Variants in DYNC1H1 observed in about 807,000 individuals in gnomAD.
DYNC1H1 encodes cytoplasmic dynein 1 heavy chain 1.
Under a neutral mutation model 527.1 loss-of-function variants are expected in DYNC1H1, and 51 were observed. The ratio of observed to expected loss-of-function variants is 0.10; its 90% CI spans 0.08 to 0.12. The LOEUF is 0.12. Ranked by LOEUF, DYNC1H1 falls within the 10% of genes least tolerant of loss-of-function variation. The pLI is 1.00. For synonymous variants in DYNC1H1, 2,189 were observed against 2,278.8 expected, an observed-to-expected ratio of 0.96 and a Z score of 1.12; for missense variants, 2,771 against 5,971.8, an observed-to-expected ratio of 0.46 and a Z score of 17.66.
Position 102,004,596 on chromosome 14 carries a change from CAAG to C in DYNC1H1, c.4967_4969del (p.Lys1656del). 1 of 1,614,162 alleles carries C rather than the reference CAAG, an allele frequency of 6.2e-7. No homozygotes were observed. The highest frequency in any genetic ancestry group is 8.5e-7 in the Non-Finnish European group (1 of 1,180,022). Reference sequence around the variant, plus strand: ...ATGTCGCTAAATTACAGAAACACTTCAAGAAGATGTTTGCTGGAGTTTCGAGCA... The same window carrying C: ...ATGTCGCTAAATTACAGAAACACTTCAAGATGTTTGCTGGAGTTTCGAGCA... On this transcript the variant is annotated inframe_deletion, in exon 24 of 78. Transcript: ENST00000360184.
intron 29 of DYNC1H1, chr14:102,009,620 C>CTGGGACACGTGCACATGAGGTA (rs1212013555): frequency 3.4e-6 from 2 of 596,706 alleles, no homozygotes; most frequent in Admixed American, 6.1e-5. Flanking sequence ...GTGGCTTGAC[C>CTGGGACACGTGCACATGAGGTA]TGGGACACGT....
At chr14:102,025,890 G>A (rs780296245) in intron 43 of DYNC1H1, among the ~76,000 whole-genome samples, 8 of 151,884 alleles carry the variant, frequency 5.3e-5, no homozygotes, top group Admixed American at 2.6e-4. Flanking sequence ...GGCCGAGACC[G>A]GCAGATCACA....
Position 102,010,063 on chromosome 14 carries a change from C to T in DYNC1H1, c.6198C>T (p.Ala2066=). 1 of 1,613,820 alleles carries T rather than the reference C, an allele frequency of 6.2e-7. No homozygotes were observed. Among genetic ancestry groups the T allele is most frequent in the Non-Finnish European group, 8.5e-7 (1 of 1,180,040 alleles). The part of the protein sequence containing the change: ...SQGFRTAEVL[A]NKIVPFFKLC... ...GTTTCCGCACTGCTGAAGTGCTTGCCAACAAAATCGTCCCGTTTTTTAAGT... is the reference window on the plus strand; with the variant it reads ...GTTTCCGCACTGCTGAAGTGCTTGCTAACAAAATCGTCCCGTTTTTTAAGT... Residue 2066 remains alanine (A), a synonymous_variant, in exon 30 of 78, where the codon GCC becomes GCT. Transcript: ENST00000360184. This position sits in a 1 kb window ranked among gnomAD's most constrained non-coding sequence, Gnocchi z 6.0.
In DYNC1H1 at chr14:102,010,128, T is replaced by C. The variant is rs557567310; in HGVS notation, c.6221+42T>C. 1.9e-5 allele frequency: 30 copies of C among 1,613,338 alleles called. 1 individual carries two copies. The Admixed American group carries it at 4.2e-4, about 22-fold the overall frequency. ...TCTTCATAATCATGTTTCTTGCATA[T>C]GTTAAATGTGTCCATTTAACCTTAA... On this transcript the variant is annotated intron_variant, in intron 30 of 77. Transcript: ENST00000360184. The surrounding 1 kb of genome is among the most constrained non-coding windows in gnomAD (Gnocchi z 6.0).
chr14:101,982,271 T>G (rs2047876330), intron 5 of DYNC1H1, among the ~76,000 whole-genome samples: 1 of 152,102 alleles, frequency 6.6e-6, no homozygotes, highest in Non-Finnish European at 1.5e-5. Context: ...CTCCCACAGA[T>G]TCTACATTAT....
intron 63 of DYNC1H1, 72 bp from the exon 64 acceptor site, chr14:102,040,526 T>C: frequency 6.2e-7 from 1 of 1,611,044 alleles, no homozygotes; most frequent in Non-Finnish European, 8.5e-7. Flanking sequence ...CGCGTCAGAC[T>C]CTCGCTCAGT....
rs375261593 is a variant in DYNC1H1 at position 102,016,510 on chromosome 14, C to T, written c.7614+21C>T. 12 of 1,614,014 alleles carry T rather than the reference C, an allele frequency of 7.4e-6. No individual in the cohort carries two copies. The highest frequency in any genetic ancestry group is 6.7e-5 in the East Asian group (3 of 44,898). On this transcript the variant is annotated intron_variant, in intron 37 of 77. Coordinates refer to ENST00000360184, the MANE Select transcript of DYNC1H1 (RefSeq NM_001376.5). This position sits in a 1 kb window ranked among gnomAD's most constrained non-coding sequence, Gnocchi z 7.3. ...ATGAGGTGAGCATGCAGCTACCACCCGTGTTTCTGATTCTCGCCTTGTTGA... is the reference window on the plus strand; with the variant it reads ...ATGAGGTGAGCATGCAGCTACCACCTGTGTTTCTGATTCTCGCCTTGTTGA...
chr14:102,000,516 T>C, intron 18 of DYNC1H1, 117 bp downstream of exon 18: 1 of 883,848 alleles, frequency 1.1e-6, no homozygotes, highest in South Asian at 1.4e-5. Context: ...TGTCATTTAA[T>C]GTCCTGCATG....
Position 101,986,497 on chromosome 14 carries a change from T to C in DYNC1H1, c.2272T>C (p.Phe758Leu), listed in dbSNP as rs748090258. The C allele has an allele frequency of 6.2e-7, 1 of 1,614,180 alleles. No individual in the cohort carries two copies. Residue 758 changes from phenylalanine to leucine, a missense_variant, in exon 8 of 78, where the codon TTC (phenylalanine) becomes CTC (leucine). This residue lies in a region of DYNC1H1 where 264 missense variants were observed against 619.4 expected (regional missense o/e 0.43). Coordinates refer to ENST00000360184, the MANE Select transcript of DYNC1H1 (RefSeq NM_001376.5). This position sits in a 1 kb window ranked among gnomAD's most constrained non-coding sequence, Gnocchi z 8.7. ...AGTCCGGAACCTCAAATGGCTTGGT[T>C]TCCGCGTCCCACTGGCGATTGTGAA... is the stretch of plus-strand genomic sequence containing the variant. ...KEVRNLKWLGFRVPLAIVNKA... is the reference protein window; with the variant it reads ...KEVRNLKWLGLRVPLAIVNKA...
Position 102,049,385 on chromosome 14 carries a change from G to A in DYNC1H1, c.13373-55G>A. On this transcript the variant is annotated intron_variant, in intron 74 of 77. Coordinates refer to ENST00000360184, the MANE Select transcript of DYNC1H1 (RefSeq NM_001376.5). This position sits in a 1 kb window ranked among gnomAD's most constrained non-coding sequence, Gnocchi z 5.5. ...TAGCACTTGCACATTTGTTCCATCT[G>A]TGCTGGGGGAGTTGTGAGAGCTGAC... 3 of 1,611,556 alleles carry A rather than the reference G, an allele frequency of 1.9e-6. No individual in the cohort carries two copies. Among genetic ancestry groups the A allele is most frequent in the Non-Finnish European group, 2.5e-6 (3 of 1,179,920 alleles).
At chr14:102,019,819 A>T in intron 41 of DYNC1H1, 74 bp from the exon 42 acceptor site, 3 of 1,590,992 alleles carry the variant, frequency 1.9e-6, no homozygotes, top group Non-Finnish European at 2.6e-6. Flanking sequence ...ATGTTTTGCC[A>T]CATTTTACCT....
Position 102,010,496 on chromosome 14 carries a change from C to T in DYNC1H1, c.6405+37C>T, listed in dbSNP as rs1007822221. The T allele has an allele frequency of 5.0e-6, 8 of 1,608,566 alleles. No individual in the cohort carries two copies. Among genetic ancestry groups the T allele is most frequent in the Admixed American group, 1.7e-5 (1 of 59,766 alleles). ...ACGTTTTGATCACTCAAACCTTATA[C>T]GTTATTTAAATTTACCTTTTTAACA... On this transcript the variant is annotated intron_variant, in intron 31 of 77. Coordinates refer to ENST00000360184, the MANE Select transcript of DYNC1H1 (RefSeq NM_001376.5). This position sits in a 1 kb window ranked among gnomAD's most constrained non-coding sequence, Gnocchi z 6.0.
At chr14:101,980,312 T>C (rs1329501419) in intron 4 of DYNC1H1, 52 bp from the exon 5 acceptor site, 1 of 1,600,144 alleles carries the variant, frequency 6.2e-7, no homozygotes, top group African/African-American at 1.3e-5. Context: ...ACGATATCTA[T>C]TCTACCTTGT....
At position 102,048,665 on chromosome 14, in the gene DYNC1H1, G is replaced by T. The variant is rs1364317730; in HGVS notation, c.13368G>T (p.Val4456=). 1 of 1,613,066 alleles carries T rather than the reference G, an allele frequency of 6.2e-7. No homozygotes were observed. The highest frequency in any genetic ancestry group is 8.5e-7 in the Non-Finnish European group (1 of 1,179,998). ...NYLRTLINEL[V]KGILPRSWSH... is the part of the protein sequence containing the mutation. ...TGCGCACGCTGATCAACGAGCTAGT[G>T]AAAGGTGCGTGAGAGGCCGAACTCG... The change falls in exon 74 of 78, where the codon GTG becomes GTT. Residue 4456 remains valine (V), a synonymous_variant. Transcript: ENST00000360184.
Position 102,048,013 on chromosome 14 carries a change from C to A in DYNC1H1, c.13203C>A (p.Thr4401=), listed in dbSNP as rs138022242. Residue 4401 remains threonine (T), a synonymous_variant, in exon 73 of 78, where the codon ACC becomes ACA. Coordinates refer to ENST00000360184, the MANE Select transcript of DYNC1H1 (RefSeq NM_001376.5). ...AGACGCTGAGCCACCTCAAGCGCAC[C>A]GTGGAGAATATCAAGGTAGCTGGGA... ...IPQTLSHLKR[T]VENIKDPLFR... 30 of 1,611,176 alleles carry A rather than the reference C, an allele frequency of 1.9e-5. No homozygotes were observed. The highest frequency in any genetic ancestry group is 3.3e-5 in the Admixed American group (2 of 59,980).
Position 102,038,431 on chromosome 14 carries a change from C to T in DYNC1H1, c.10909-29C>T. 33 of 1,613,054 alleles carry T rather than the reference C, an allele frequency of 2.0e-5. No individual in the cohort carries two copies. The highest frequency in any genetic ancestry group is 2.6e-5 in the Non-Finnish European group (31 of 1,180,008). ...TGAAGATAAAGTTACAAAGCCCTGA[C>T]CATCAAGTTCCACCCGTGTGGAATG... On this transcript the variant is annotated intron_variant, in intron 57 of 77. Coordinates refer to ENST00000360184, the MANE Select transcript of DYNC1H1 (RefSeq NM_001376.5). This position sits in a 1 kb window ranked among gnomAD's most constrained non-coding sequence, Gnocchi z 7.2.
In DYNC1H1 at chr14:102,038,198, C is replaced by T. The variant is rs1306660104; in HGVS notation, c.10909-262C>T. On this transcript the variant is annotated intron_variant, in intron 57 of 77. Transcript: ENST00000360184. This position sits in a 1 kb window ranked among gnomAD's most constrained non-coding sequence, Gnocchi z 7.2. ...TTCACCATGTTGGCCAGTCTGGTCT[C>T]GAACTCCTGACCTCAAGTGATCTGC... is the stretch of plus-strand genomic sequence containing the variant. 3.1e-5 allele frequency: 15 copies of T among 486,952 alleles called. No individual in the cohort carries two copies. The highest frequency in any genetic ancestry group is 1.2e-3 in the Middle Eastern group (2 of 1,654). 30.2% of individuals were successfully genotyped at this position (486,952 alleles called of 1,614,324 possible).
chr14:102,022,773 C>T lies in DYNC1H1; in HGVS notation c.8530C>T (p.Arg2844Cys), dbSNP rs751668595. The T allele has an allele frequency of 1.5e-5, 24 of 1,614,088 alleles. No individual in the cohort carries two copies. The highest frequency in any genetic ancestry group is 5.5e-5 in the South Asian group (5 of 91,078). ...QDRLVEDEER[R>C]WTDENIDTVA... The stretch of plus-strand genomic sequence containing the variant: ...CAGACTCGTAGAGGATGAGGAGAGG[C>T]GTTGGACTGATGAGAACATCGACAC... The change falls in exon 43 of 78, where the codon CGT (arginine) becomes TGT (cysteine). Residue 2844 changes from arginine to cysteine, a missense_variant. Arg to Cys is a radical substitution (Grantham distance 180, BLOSUM62 -3). This residue lies in a region of DYNC1H1 where 163 missense variants were observed against 346.9 expected (regional missense o/e 0.47). Transcript: ENST00000360184.
rs770897691 is a variant in DYNC1H1 at position 101,994,878 on chromosome 14, T to A, written c.3333+29T>A. 4.3e-6 allele frequency: 7 copies of A among 1,614,116 alleles called. No individual in the cohort carries two copies. The South Asian group carries it at 7.7e-5, about 18-fold the overall frequency. On this transcript the variant is annotated intron_variant, in intron 13 of 77. Transcript: ENST00000360184. ...AGCCCTGCTGTCTGGTTGAAAGGTG[T>A]CACGGGTAGTGTAAAAGCAACATTT...
Sources: allele counts gnomAD v4.1 joint callset (sites outside exome capture counted in the v4.1 genomes callset), GRCh38; gene constraint gnomAD v4.1.1; regional missense constraint gnomAD v4.1.1; non-coding constraint Gnocchi (gnomAD v3.1); transcripts MANE v1.5; gene names NCBI Gene and HGNC (gene_info 2026-07-23, HGNC 2026-07-21).